Variants in KCNQ2 observed in about 807,000 individuals in gnomAD.
The protein encoded by KCNQ2 is potassium voltage-gated channel subfamily KQT member 2.
KCNQ2 carries 14 observed loss-of-function variants against 84.8 expected under a neutral mutation model. The observed-to-expected ratio is 0.17, with a 90% CI of 0.11 to 0.26. The LOEUF is 0.26. Ranked by LOEUF, KCNQ2 falls within the 10% of genes least tolerant of loss-of-function variation. KCNQ2 has a pLI of 1.00. For synonymous variants in KCNQ2, 599 were observed against 554.1 expected (o/e 1.08, Z -1.14); for missense variants, 788 against 1,254.0 (o/e 0.63, Z 5.61).
intron 15 of KCNQ2, among the ~76,000 whole-genome samples, chr20:63,409,414 C>T (rs2080046383): frequency 1.3e-5 from 2 of 152,226 alleles, no homozygotes; most frequent in South Asian, 4.1e-4. Flanking sequence ...GGCTCCTTTG[C>T]CCTCAGGGAC....
Position 63,405,206 on chromosome 20 carries a change from G to C in KCNQ2, c.*1438C>G, listed in dbSNP as rs1016139762. ...ACTCCCCTGCACTTGCTCTGCAGGAGTATTTGCGCCCACGACCCCAGCCCT... is the reference window on the plus strand; with the variant it reads ...ACTCCCCTGCACTTGCTCTGCAGGACTATTTGCGCCCACGACCCCAGCCCT... On this transcript the variant is annotated 3_prime_UTR_variant, in exon 17 of 17. Coordinates refer to ENST00000359125, the MANE Select transcript of KCNQ2 (RefSeq NM_172107.4). The C allele has an allele frequency of 2.0e-5, 3 of 152,266 alleles. No individual in the cohort carries two copies. Among genetic ancestry groups the C allele is most frequent in the African/African-American group, 7.2e-5 (3 of 41,452 alleles). 9.4% of individuals were successfully genotyped at this position (152,266 alleles called of 1,614,324 possible). A position where few individuals can be genotyped will look rare whatever the true frequency, so the allele number is the denominator to read the frequency against.
At chr20:63,410,977 CAAG>C (rs1360464168) in intron 15 of KCNQ2, 8 of 455,914 alleles carry the variant, frequency 1.8e-5, no homozygotes, top group South Asian at 1.1e-4. Flanking sequence ...CCCTGGGAGG[CAAG>C]AAGGCCTTGG....
At chr20:63,463,119 AG>A (rs2081997603) in intron 1 of KCNQ2, among the ~76,000 whole-genome samples, 1 of 151,886 alleles carries the variant, frequency 6.6e-6, no homozygotes, top group South Asian at 2.1e-4. Flanking sequence ...CTATTCTGGA[AG>A]AACGGGTAAG....
rs544210949 is a variant in KCNQ2, at chr20:63,419,339, C to T, written c.1301+280G>A. The stretch of plus-strand genomic sequence containing the variant: ...GAGCAGTCGGGGACCCCAGGAGGCA[C>T]GGACGCCTTGCTGGGTTCAGAGCCC... On this transcript the variant is annotated intron_variant, in intron 12 of 16. Coordinates refer to ENST00000359125, the MANE Select transcript of KCNQ2 (RefSeq NM_172107.4). 3.5e-4 allele frequency among the ~76,000 whole-genome samples: 53 copies of T among 152,350 alleles called. 1 individual carries two copies. The highest frequency in any genetic ancestry group is 1.3e-3 in the African/African-American group (53 of 41,586).
In KCNQ2 at chr20:63,446,430, C is replaced by T. The variant is rs2081428270; in HGVS notation, c.387+317G>A. Among the ~76,000 whole-genome samples the T allele has an allele frequency of 2.0e-5, 3 of 152,320 alleles. No homozygotes were observed. The highest frequency in any genetic ancestry group is 1.3e-4 in the Admixed American group (2 of 15,310). On this transcript the variant is annotated intron_variant, in intron 2 of 16. Coordinates refer to ENST00000359125, the MANE Select transcript of KCNQ2 (RefSeq NM_172107.4). This position sits in a 1 kb window ranked among gnomAD's most constrained non-coding sequence, Gnocchi z 5.5. ...GTCTGCTGGGGACGCCCCACATCTC[C>T]GGCTCCAGAGATAAAGTGGGGATGG...
At chr20:63,458,649 C>T (rs1279152085) in intron 1 of KCNQ2, among the ~76,000 whole-genome samples, 1 of 152,224 alleles carries the variant, frequency 6.6e-6, no homozygotes, top group Non-Finnish European at 1.5e-5. Context: ...CTCGCCCTCC[C>T]GGAGGCAGGA....
chr20:63,442,725 T>TCACCACCACCACCATCACCACCATCAC (rs1568934026), intron 4 of KCNQ2, among the ~76,000 whole-genome samples, 194 bp from the exon 5 acceptor site: 2 of 32,808 alleles, frequency 6.1e-5, no homozygotes, highest in Non-Finnish European at 5.4e-5. Context: ...ACCACCACCA[T>TCACCACCACCACCATCACCACCATCAC]CATCACCACC....
In KCNQ2 at chr20:63,419,649, G is replaced by A. The variant is rs2080405980; in HGVS notation, c.1271C>T (p.Pro424Leu). The A allele has an allele frequency of 2.5e-6, 4 of 1,611,552 alleles. No homozygotes were observed. Among genetic ancestry groups the A allele is most frequent in the African/African-American group, 1.3e-5 (1 of 74,936 alleles). Residue 424 changes from proline to leucine, a missense_variant, in exon 12 of 17, where the codon CCC (proline) becomes CTC (leucine). Pro to Leu is a moderately conservative substitution (Grantham distance 98, BLOSUM62 -3). Coordinates refer to ENST00000359125, the MANE Select transcript of KCNQ2 (RefSeq NM_172107.4). ...SPSKGSPCRGPLCGCCPGRSS... is the reference protein window; with the variant it reads ...SPSKGSPCRGLLCGCCPGRSS... ...GCGTCCGGGGCAGCATCCACACAGG[G>A]GCCCTCTGCACGGGCTGCCTTTACT...
At chr20:63,441,698 C>T (rs1266168752) in intron 5 of KCNQ2, among the ~76,000 whole-genome samples, 1 of 152,124 alleles carries the variant, frequency 6.6e-6, no homozygotes, top group Non-Finnish European at 1.5e-5. Context: ...ACAGCCTGGG[C>T]CCCGGGGCAC....
chr20:63,441,863 A>G (rs2081171262), intron 5 of KCNQ2, among the ~76,000 whole-genome samples: 1 of 152,216 alleles, frequency 6.6e-6, no homozygotes, highest in Admixed American at 6.5e-5. Flanking sequence ...CTCAGCCGGC[A>G]TGTGCGGGGC....
intron 1 of KCNQ2, among the ~76,000 whole-genome samples, chr20:63,455,221 G>A (rs549507309): frequency 6.6e-6 from 1 of 152,198 alleles, no homozygotes; most frequent in Non-Finnish European, 1.5e-5. Flanking sequence ...AAAGGGTTTC[G>A]AAGCTAATTA....
At chr20:63,421,876 C>T (rs1469577874) in intron 11 of KCNQ2, among the ~76,000 whole-genome samples, 1 of 152,132 alleles carries the variant, frequency 6.6e-6, no homozygotes, top group Non-Finnish European at 1.5e-5. Flanking sequence ...CCTGGCTCCC[C>T]ACCCGACCCC....
chr20:63,413,386 G>A lies in KCNQ2; in HGVS notation c.1763+64C>T, dbSNP rs1317260981. 5 of 1,601,360 alleles carry A rather than the reference G, an allele frequency of 3.1e-6. No homozygotes were observed. In the African/African-American group the frequency reaches 4.0e-5, roughly 13 times the overall value. On this transcript the variant is annotated intron_variant, in intron 15 of 16. Coordinates refer to ENST00000359125, the MANE Select transcript of KCNQ2 (RefSeq NM_172107.4). ...CTGCACTCCCACCATGGGCCACAGT[G>A]GGCTTTGTCCCAGAAGCCCACCCCG...
In KCNQ2 at chr20:63,407,234, G is replaced by A. The variant is rs371851085; in HGVS notation, c.2029C>T (p.Arg677Trp). 2.1e-5 allele frequency: 33 copies of A among 1,603,164 alleles called. No individual in the cohort carries two copies. The highest frequency in any genetic ancestry group is 8.3e-5 in the Admixed American group (5 of 59,974). ...APPYHSPEDS[R>W]EHVDRHGCIV... ...CAGCCGTGCCTGTCGACATGCTCCC[G>A]GCTGTCTTCCGGGCTGTGGTACGGC... Residue 677 changes from arginine (R) to tryptophan (W), a missense_variant, in exon 17 of 17, where the codon CGG (arginine) becomes TGG (tryptophan). Around this residue, in one of 8 missense-constraint regions of KCNQ2, gnomAD observed 378 missense variants for 434.5 expected, o/e 0.87. Coordinates refer to ENST00000359125, the MANE Select transcript of KCNQ2 (RefSeq NM_172107.4). The surrounding 1 kb of genome is among the most constrained non-coding windows in gnomAD (Gnocchi z 7.2).
intron 7 of KCNQ2, among the ~76,000 whole-genome samples, chr20:63,435,312 T>C (rs1266807040): frequency 6.7e-6 from 1 of 150,224 alleles, no homozygotes; most frequent in Non-Finnish European, 1.5e-5. Context: ...CGCTTGAACC[T>C]GGCAGGTCGA....
At chr20:63,445,178 TGA>T (rs1211425994) in intron 3 of KCNQ2, 58 bp downstream of exon 3, 17 of 1,608,532 alleles carry the variant, frequency 1.1e-5, no homozygotes, top group Non-Finnish European at 1.4e-5. Context: ...CCCCCAGGGC[TGA>T]GTCCGTCCCT....
chr20:63,469,035 C>T (rs1446227944), intron 1 of KCNQ2, among the ~76,000 whole-genome samples: 10 of 152,248 alleles, frequency 6.6e-5, no homozygotes, highest in Non-Finnish European at 1.5e-4. Flanking sequence ...TTTCCCACAC[C>T]CAGCAACCCA....
chr20:63,444,081 A>G (rs1323657076), intron 4 of KCNQ2, among the ~76,000 whole-genome samples: 1 of 152,244 alleles, frequency 6.6e-6, no homozygotes, highest in Non-Finnish European at 1.5e-5. Flanking sequence ...CCACCCTGCC[A>G]GGGCTCAAGA....
intron 11 of KCNQ2, among the ~76,000 whole-genome samples, chr20:63,420,541 G>A (rs2080436235): frequency 6.6e-6 from 1 of 151,484 alleles, no homozygotes; most frequent in Admixed American, 6.6e-5. Context: ...CGTGGCGACG[G>A]CATCCACTCA....
Sources: gnomAD v4.1 joint callset for allele counts (sites outside exome capture counted in the v4.1 genomes callset) on GRCh38, gnomAD v4.1.1 for gene constraint, gnomAD v4.1.1 regional missense constraint, Gnocchi (gnomAD v3.1) non-coding constraint, MANE v1.5 for transcripts, NCBI Gene and HGNC (gene_info 2026-07-23, HGNC 2026-07-21) for gene names.